The following PCDHGA2 variants were observed in gnomAD, a reference collection of about 807,000 sequenced individuals.
The protein encoded by PCDHGA2 is protocadherin gamma-A2.
Under a neutral mutation model 59.2 loss-of-function variants are expected in PCDHGA2, and 40 were observed. That is an observed-to-expected ratio of 0.68 (90% confidence interval 0.52 to 0.88). The LOEUF (loss-of-function observed/expected upper bound fraction) is 0.88. PCDHGA2 is among the 40% of genes least tolerant of loss of function. The probability of loss-of-function intolerance (pLI) is 0.00; values close to 1 mark genes in which losing one functional copy is unlikely to be tolerated. For synonymous variants in PCDHGA2, 560 were observed against 526.0 expected (o/e 1.06, Z -0.89); for missense variants, 1,226 against 1,204.0 (o/e 1.02, Z -0.27).
chr5:141,438,471 A>C (rs1019238906), intron 1 of PCDHGA2, among the ~76,000 whole-genome samples: 4 of 151,396 alleles, frequency 2.6e-5, no homozygotes, highest in Admixed American at 2.6e-4. Flanking sequence ...CAATTATTGG[A>C]AAGTGGTCTC....
chr5:141,399,314 A>C (rs1309292354), intron 1 of PCDHGA2: 9 of 1,613,988 alleles, frequency 5.6e-6, no homozygotes, highest in Non-Finnish European at 1.7e-6. Context: ...TCATCCAAAA[A>C]TTCGTATAAG....
chr5:141,475,577 T>C (rs2099365697), intron 1 of PCDHGA2, among the ~76,000 whole-genome samples: 1 of 152,228 alleles, frequency 6.6e-6, no homozygotes, highest in Non-Finnish European at 1.5e-5. Context: ...ACAAGCCAGA[T>C]TTGTTGGTGT....
chr5:141,425,794 G>A (rs915736198), intron 1 of PCDHGA2, among the ~76,000 whole-genome samples: 23 of 152,074 alleles, frequency 1.5e-4, no homozygotes, highest in Non-Finnish European at 2.2e-4. Context: ...CTTCCAATAT[G>A]TGCATTGCTT....
At chr5:141,388,460 T>G in intron 1 of PCDHGA2, 1 of 1,613,854 alleles carries the variant, frequency 6.2e-7, no homozygotes. Flanking sequence ...GTAAATACCC[T>G]GAGATGGTAT....
In PCDHGA2 at chr5:141,351,102, C is replaced by T. The variant is rs1315943031; in HGVS notation, c.2424+9707C>T. 3 of 1,613,964 alleles carry T rather than the reference C, an allele frequency of 1.9e-6. No individual in the cohort carries two copies. In the African/African-American group the frequency reaches 4.0e-5, roughly 22 times the overall value. On this transcript the variant is annotated intron_variant, in intron 1 of 3. Coordinates refer to ENST00000394576, the MANE Select transcript of PCDHGA2 (RefSeq NM_018915.4). ...GAGATCACCTATGCCTTCCTCAATTCCCCAATAAGTACCAGCCTCTTCAAT... is the reference window on the plus strand; with the variant it reads ...GAGATCACCTATGCCTTCCTCAATTTCCCAATAAGTACCAGCCTCTTCAAT...
intron 1 of PCDHGA2, chr5:141,404,393 A>G: frequency 6.2e-7 from 1 of 1,613,962 alleles, no homozygotes; most frequent in Non-Finnish European, 8.5e-7. Flanking sequence ...TGACCCTGAT[A>G]GCAATGAGAA....
rs1435240793 is a variant in PCDHGA2 at position 141,402,906 on chromosome 5, CA to C, written c.2424+61512del. ...GGGTGGAAGAAAGAACCTGATGAAG[CA>C]GCGCGCACAGAGATCCTTTTGAGAA... On this transcript the variant is annotated intron_variant, in intron 1 of 3. Coordinates refer to ENST00000394576, the MANE Select transcript of PCDHGA2 (RefSeq NM_018915.4). The C allele has an allele frequency of 3.9e-6, 6 of 1,529,062 alleles. No homozygotes were observed. The African/African-American group carries it at 8.3e-5, about 21-fold the overall frequency. 94.7% of individuals were successfully genotyped at this position (1,529,062 alleles called of 1,614,324 possible). A position where few individuals can be genotyped will look rare whatever the true frequency, so the allele number is the denominator to read the frequency against.
Position 141,365,890 on chromosome 5 carries a change from C to T in PCDHGA2, c.2424+24495C>T, listed in dbSNP as rs780121604. On this transcript the variant is annotated intron_variant, in intron 1 of 3. Transcript: ENST00000394576. ...GTGTCCTGTATGCTCTGAGATCCTT[C>T]GACTATGAGCAGTTGAGAGACCTAC... The T allele has an allele frequency of 3.1e-6, 5 of 1,614,140 alleles. No individual in the cohort carries two copies. The Admixed American group carries it at 6.7e-5, about 22-fold the overall frequency.
intron 1 of PCDHGA2, chr5:141,362,021 C>T (rs1233254898): frequency 6.2e-7 from 1 of 1,607,220 alleles, no homozygotes; most frequent in South Asian, 1.1e-5. Flanking sequence ...GTGCGCACAG[C>T]GCGTGCCTTG....
chr5:141,410,066 C>G, intron 1 of PCDHGA2: 1 of 1,612,912 alleles, frequency 6.2e-7, no homozygotes, highest in Non-Finnish European at 8.5e-7. Context: ...CCTGGGGCTG[C>G]GCACTGGGGA....
chr5:141,394,033 G>A, intron 1 of PCDHGA2: 7 of 1,613,540 alleles, frequency 4.3e-6, no homozygotes, highest in Non-Finnish European at 5.9e-6. Context: ...TTAGTGACAA[G>A]GAAATATTTG....
At chr5:141,415,508 A>G in intron 1 of PCDHGA2, 2 of 1,614,168 alleles carry the variant, frequency 1.2e-6, no homozygotes, top group Non-Finnish European at 1.7e-6. Flanking sequence ...CCCCAGCCCA[A>G]TTATGCGGAC....
At chr5:141,392,893 G>A (rs1281523592) in intron 1 of PCDHGA2, 10 of 1,613,662 alleles carry the variant, frequency 6.2e-6, no homozygotes, top group African/African-American at 2.7e-5. Flanking sequence ...TGGGAAATCG[G>A]GAGGGGACAG....
chr5:141,506,577 A>G (rs2099855057), intron 3 of PCDHGA2, among the ~76,000 whole-genome samples: 1 of 152,162 alleles, frequency 6.6e-6, no homozygotes, highest in South Asian at 2.1e-4. Flanking sequence ...TTCACTTACT[A>G]TTAATGGGCA....
In PCDHGA2 at chr5:141,476,182, G is replaced by A. The variant is rs369561139; in HGVS notation, c.2425-18625G>A. On this transcript the variant is annotated intron_variant, in intron 1 of 3. Coordinates refer to ENST00000394576, the MANE Select transcript of PCDHGA2 (RefSeq NM_018915.4). This position sits in a 1 kb window ranked among gnomAD's most constrained non-coding sequence, Gnocchi z 7.6. ...GGAGGGTAGTGGGAGTTTTGCTTCT[G>A]CTTGGTGCCTTGAACAAGGCTTCCA... 5 of 1,613,554 alleles carry A rather than the reference G, an allele frequency of 3.1e-6. No homozygotes were observed. Among genetic ancestry groups the A allele is most frequent in the Admixed American group, 1.7e-5 (1 of 59,996 alleles).
chr5:141,472,335 A>T (rs1033984936), intron 1 of PCDHGA2, among the ~76,000 whole-genome samples: 38 of 151,784 alleles, frequency 2.5e-4, no homozygotes, highest in Non-Finnish European at 2.5e-4. Context: ...AGGTTGGGAG[A>T]TCGAGACCAT....
chr5:141,454,842 C>T lies in PCDHGA2; in HGVS notation c.2425-39965C>T, dbSNP rs543795114. 1.2e-4 allele frequency among the ~76,000 whole-genome samples: 12 copies of T among 101,680 alleles called. No homozygotes were observed. The East Asian group carries it at 3.9e-3, about 33-fold the overall frequency. 66.7% of individuals were successfully genotyped at this position (101,680 alleles called of 152,430 possible). ...TTTTTTTTTGAGACAGAGTCGCGCTCTGTCACCCAGGCTGGAGTGCAGTGG... is the reference window on the plus strand; with the variant it reads ...TTTTTTTTTGAGACAGAGTCGCGCTTTGTCACCCAGGCTGGAGTGCAGTGG... On this transcript the variant is annotated intron_variant, in intron 1 of 3. Coordinates refer to ENST00000394576, the MANE Select transcript of PCDHGA2 (RefSeq NM_018915.4).
chr5:141,394,204 A>G (rs749979763), intron 1 of PCDHGA2: 4 of 1,613,914 alleles, frequency 2.5e-6, no homozygotes, highest in Non-Finnish European at 3.4e-6. Context: ...ATCCTAGAGA[A>G]CAACCTGAGA....
chr5:141,404,348 G>T lies in PCDHGA2; in HGVS notation c.2424+62953G>T, dbSNP rs370966293. 60 of 1,613,640 alleles carry T rather than the reference G, an allele frequency of 3.7e-5. No individual in the cohort carries two copies. The highest frequency in any genetic ancestry group is 4.9e-5 in the Non-Finnish European group (58 of 1,179,784). ...CTCAGTCTACCTCCCGGAAAACAAC[G>T]CCAGAGGTACTTCCATCTTCTCCGT... On this transcript the variant is annotated intron_variant, in intron 1 of 3. Coordinates refer to ENST00000394576, the MANE Select transcript of PCDHGA2 (RefSeq NM_018915.4).
Sources: allele counts gnomAD v4.1 joint callset (sites outside exome capture counted in the v4.1 genomes callset), GRCh38; gene constraint gnomAD v4.1.1; non-coding constraint Gnocchi (gnomAD v3.1); transcripts MANE v1.5; gene names NCBI Gene and HGNC (gene_info 2026-07-23, HGNC 2026-07-21).